Variants in NCOA2 observed in about 807,000 individuals in gnomAD.
NCOA2 encodes the protein nuclear receptor coactivator 2, also known as class E basic helix-loop-helix protein 75.
A neutral mutation model predicts 145.1 loss-of-function variants in NCOA2; 21 were observed. The ratio of observed to expected loss-of-function variants is 0.14; its 90% CI spans 0.10 to 0.21. The LOEUF is 0.21. Ranked by LOEUF, NCOA2 falls within the 10% of genes least tolerant of loss-of-function variation. The probability of loss-of-function intolerance (pLI) is 1.00; values close to 1 mark genes in which losing one functional copy is unlikely to be tolerated. For synonymous variants in NCOA2, 619 were observed against 637.5 expected (o/e 0.97, Z 0.44); for missense variants, 1,472 against 1,837.6 (o/e 0.80, Z 3.64).
In NCOA2 at chr8:70,157,100, TTGC is replaced by T; in HGVS notation, c.1262_1264del (p.Ser421del). On this transcript the variant is annotated inframe_deletion, in exon 11 of 23. Coordinates refer to ENST00000452400, the MANE Select transcript of NCOA2 (RefSeq NM_006540.4). ...TGGGCCATTTATGGGAAAATTTATA[TTGC>T]TACTGAGGGTCATGTCCTGACCTGG... The T allele has an allele frequency of 3.1e-6, 5 of 1,613,974 alleles. No individual in the cohort carries two copies. Among genetic ancestry groups the T allele is most frequent in the Non-Finnish European group, 4.2e-6 (5 of 1,179,888 alleles).
intron 1 of NCOA2, among the ~76,000 whole-genome samples, chr8:70,334,238 A>C (rs1362911528): frequency 6.6e-6 from 1 of 152,232 alleles, no homozygotes; most frequent in Non-Finnish European, 1.5e-5. Context: ...AATCAGCCGT[A>C]TCACTGAACA....
chr8:70,216,913 C>A (rs1173498994), intron 2 of NCOA2, 149 bp from the exon 3 acceptor site: 3 of 564,402 alleles, frequency 5.3e-6, no homozygotes, highest in East Asian at 2.8e-5. Context: ...TGTATAATTT[C>A]TAATATAAAA....
At chr8:70,436,357 G>A in the NCOA2 span, among the ~76,000 whole-genome samples, 2 of 152,168 alleles carry the variant, frequency 1.3e-5, no homozygotes, top group African/African-American at 2.4e-5. Context: ...AGTTGGTCAG[G>A]TATAAAGTGA....
chr8:70,290,008 C>T (rs1826538771), intron 2 of NCOA2, among the ~76,000 whole-genome samples: 1 of 151,862 alleles, frequency 6.6e-6, no homozygotes, highest in African/African-American at 2.4e-5. Context: ...TAAATGCTAC[C>T]CCTACGTATA....
intron 1 of NCOA2, among the ~76,000 whole-genome samples, chr8:70,372,807 C>G (rs796874825): frequency 2.0e-5 from 3 of 152,246 alleles, no homozygotes; most frequent in African/African-American, 7.2e-5. Context: ...CAACCATTTG[C>G]CTGATTTCTA....
At chr8:70,375,789 A>G (rs1197864771) in intron 1 of NCOA2, among the ~76,000 whole-genome samples, 2 of 152,192 alleles carry the variant, frequency 1.3e-5, no homozygotes, top group African/African-American at 4.8e-5. Context: ...CCCTATGAAC[A>G]AGAAACCTTT....
intron 1 of NCOA2, among the ~76,000 whole-genome samples, chr8:70,394,941 C>A (rs962283525): frequency 6.6e-6 from 1 of 152,226 alleles, no homozygotes; most frequent in South Asian, 2.1e-4. Flanking sequence ...AACACAGGCA[C>A]AACATAACTG....
At position 70,156,378 on chromosome 8, in the gene NCOA2, C is replaced by A. The variant is rs764265619; in HGVS notation, c.1987G>T (p.Asp663Tyr). Reference sequence around the variant, plus strand: ...CTACCTGTGGAGTCTTTGTTTGTATCCGACAAAGAGCTGGCTAAGGGCGAG... The same window carrying A: ...CTACCTGTGGAGTCTTTGTTTGTATACGACAAAGAGCTGGCTAAGGGCGAG... ...EPSPLASSLS[D>Y]TNKDSTGSLP... The change falls in exon 11 of 23, where the codon GAT (aspartate) becomes TAT (tyrosine). Residue 663 changes from aspartate (D) to tyrosine (Y), a missense_variant. Transcript: ENST00000452400. 2 of 1,613,960 alleles carry A rather than the reference C, an allele frequency of 1.2e-6. No individual in the cohort carries two copies. The highest frequency in any genetic ancestry group is 1.7e-6 in the Non-Finnish European group (2 of 1,179,882).
intron 1 of NCOA2, among the ~76,000 whole-genome samples, chr8:70,368,502 T>C (rs994788557): frequency 7.2e-5 from 11 of 152,130 alleles, no homozygotes; most frequent in African/African-American, 2.7e-4. Context: ...AATACAGCCA[T>C]TATTTAGTTT....
intron 4 of NCOA2, among the ~76,000 whole-genome samples, chr8:70,191,261 A>G (rs1030191089): frequency 6.6e-6 from 1 of 152,266 alleles, no homozygotes; most frequent in Non-Finnish European, 1.5e-5. Context: ...AGTGACTACT[A>G]TAATGAATAG....
chr8:70,123,936 G>T lies in NCOA2; in HGVS notation c.4241C>A (p.Thr1414Asn). 6.2e-7 allele frequency: 1 copy of T among 1,613,962 alleles called. No individual in the cohort carries two copies. The highest frequency in any genetic ancestry group is 1.1e-5 in the South Asian group (1 of 91,058). ...MNQMTGQISM[T>N]SVTSVPTSGL... ...TGACGTAGGCACGGAGGTCACTGAG[G>T]TCATGCTGATCTGTCCTGTCATCTG... Residue 1414 changes from threonine (T) to asparagine (N), a missense_variant, in exon 21 of 23, where the codon ACC becomes AAC. Thr to Asn is a moderately conservative substitution (Grantham distance 65). Transcript: ENST00000452400.
chr8:70,126,755 C>T lies in NCOA2; in HGVS notation c.3916+58G>A, dbSNP rs147848596. On this transcript the variant is annotated intron_variant, in intron 19 of 22. Coordinates refer to ENST00000452400, the MANE Select transcript of NCOA2 (RefSeq NM_006540.4). Reference sequence around the variant, plus strand: ...GTGAGAGAGGAGCTGTGACCCAACACTGGGGGACACTGGGGAGAAAGGACT... The same window carrying T: ...GTGAGAGAGGAGCTGTGACCCAACATTGGGGGACACTGGGGAGAAAGGACT... 2.1e-5 allele frequency: 30 copies of T among 1,423,616 alleles called. No individual in the cohort carries two copies. The African/African-American group carries it at 3.5e-4, about 17-fold the overall frequency. 88.2% of individuals were successfully genotyped at this position (1,423,616 alleles called of 1,614,324 possible). A position where few individuals can be genotyped will look rare whatever the true frequency, so the allele number is the denominator to read the frequency against.
chr8:70,331,114 A>G (rs1807058916), intron 1 of NCOA2, among the ~76,000 whole-genome samples: 1 of 152,216 alleles, frequency 6.6e-6, no homozygotes, highest in African/African-American at 2.4e-5. Flanking sequence ...AAAAAAAAGC[A>G]AATTCTACAT....
At chr8:70,361,017 T>C (rs1383935360) in intron 1 of NCOA2, among the ~76,000 whole-genome samples, 3 of 151,600 alleles carry the variant, frequency 2.0e-5, no homozygotes, top group African/African-American at 7.3e-5. Context: ...CACTGCTTAA[T>C]GGCAAAAGCT....
At chr8:70,140,849 G>A (rs571650074) in intron 14 of NCOA2, among the ~76,000 whole-genome samples, 5 of 151,844 alleles carry the variant, frequency 3.3e-5, no homozygotes, top group South Asian at 4.2e-4. Flanking sequence ...CTCCTGCCTC[G>A]GCCTCCCAAA....
chr8:70,198,629 G>A (rs1188183413), intron 4 of NCOA2, among the ~76,000 whole-genome samples: 2 of 152,012 alleles, frequency 1.3e-5, no homozygotes, highest in African/African-American at 4.8e-5. Flanking sequence ...AATAAACATG[G>A]GAAAAAAGGG....
At chr8:70,138,856 T>C (rs992051413) in intron 14 of NCOA2, among the ~76,000 whole-genome samples, 1 of 152,286 alleles carries the variant, frequency 6.6e-6, no homozygotes, top group African/African-American at 2.4e-5. Context: ...GCATTTCATC[T>C]TCTGTGATAT....
chr8:70,281,543 G>C (rs547772232), intron 2 of NCOA2, among the ~76,000 whole-genome samples: 1 of 152,014 alleles, frequency 6.6e-6, no homozygotes, highest in African/African-American at 2.4e-5. Flanking sequence ...CAAGTGGCTA[G>C]GGAGCATTCC....
chr8:70,431,242 A>G, the NCOA2 span, among the ~76,000 whole-genome samples: 45 of 152,124 alleles, frequency 3.0e-4, no homozygotes, highest in African/African-American at 9.6e-4. Context: ...ATTTATTTCT[A>G]CCCCTTTCCA....
Sources: allele counts gnomAD v4.1 joint callset (sites outside exome capture counted in the v4.1 genomes callset), GRCh38; gene constraint gnomAD v4.1.1; transcripts MANE v1.5; gene names NCBI Gene and HGNC (gene_info 2026-07-23, HGNC 2026-07-21).